The following GRIK4 variants were observed in gnomAD, a reference collection of about 807,000 sequenced individuals.
GRIK4 encodes glutamate ionotropic receptor kainate type subunit 4, also known as glutamate receptor ionotropic, kainate 4.
Under a neutral mutation model 104.9 loss-of-function variants are expected in GRIK4, and 40 were observed. That is an observed-to-expected ratio of 0.38 (90% CI 0.30 to 0.50). The LOEUF (loss-of-function observed/expected upper bound fraction) is 0.50, where lower values mean the gene tolerates loss of function less well. Among genes scored for constraint, GRIK4 ranks in the 20% least tolerant of loss-of-function variants. GRIK4 has a pLI of 0.93. For missense variants in GRIK4, 1,047 were observed against 1,308.1 expected (o/e 0.80, Z 3.08); for synonymous variants, 485 against 524.9 (o/e 0.92, Z 1.04).
intron 3 of GRIK4, among the ~76,000 whole-genome samples, chr11:120,686,315 G>A (rs1294451725): frequency 1.3e-5 from 2 of 152,162 alleles, no homozygotes; most frequent in Non-Finnish European, 2.9e-5. Context: ...CCTCAACCGT[G>A]AAGTCTATTA....
chr11:120,986,393 C>G lies in GRIK4; in HGVS notation c.*133C>G. The G allele has an allele frequency of 8.3e-7, 1 of 1,210,280 alleles. No individual in the cohort carries two copies. Among genetic ancestry groups the G allele is most frequent in the Non-Finnish European group, 1.1e-6 (1 of 921,726 alleles). 75.0% of individuals were successfully genotyped at this position (1,210,280 alleles called of 1,614,324 possible). On this transcript the variant is annotated 3_prime_UTR_variant, in exon 21 of 21. Coordinates refer to ENST00000527524, the MANE Select transcript of GRIK4 (RefSeq NM_014619.5). ...CCAGATTTCGGATCCAGTCACTTTT[C>G]AAAAAGATCAAGGAGCCTGACGCCC...
At chr11:120,654,327 G>C (rs1949666371) in intron 2 of GRIK4, among the ~76,000 whole-genome samples, 1 of 152,178 alleles carries the variant, frequency 6.6e-6, no homozygotes, top group Non-Finnish European at 1.5e-5. Flanking sequence ...TACAGGATGA[G>C]TGCGTGGCCA....
At chr11:120,974,516 C>T (rs1037997085) in intron 19 of GRIK4, among the ~76,000 whole-genome samples, 16 of 152,192 alleles carry the variant, frequency 1.1e-4, no homozygotes, top group African/African-American at 3.6e-4. Flanking sequence ...TAATCTTTTT[C>T]TACTTTGTTA....
chr11:120,855,599 C>A (rs769362743), intron 8 of GRIK4, among the ~76,000 whole-genome samples: 2 of 150,244 alleles, frequency 1.3e-5, no homozygotes, highest in Non-Finnish European at 2.9e-5. Context: ...GTCTCTGTTG[C>A]CCAGGCTGGA....
At chr11:120,848,102 G>T (rs1953893145) in intron 8 of GRIK4, among the ~76,000 whole-genome samples, 1 of 152,196 alleles carries the variant, frequency 6.6e-6, no homozygotes, top group African/African-American at 2.4e-5. Context: ...CTCACCCTGA[G>T]ATCCAAGTCA....
chr11:120,769,751 G>A (rs1372014190), intron 3 of GRIK4, among the ~76,000 whole-genome samples: 1 of 152,178 alleles, frequency 6.6e-6, no homozygotes, highest in Non-Finnish European at 1.5e-5. Flanking sequence ...ACATGGAATG[G>A]ATAGGAAGTC....
intron 3 of GRIK4, among the ~76,000 whole-genome samples, chr11:120,715,147 G>A (rs1954786): frequency 1.6e-4 from 24 of 152,190 alleles, no homozygotes; most frequent in Non-Finnish European, 2.4e-4. Flanking sequence ...CTGCTGGCAC[G>A]GGGGCACTAA....
chr11:120,864,497 C>T (rs1415526654), intron 9 of GRIK4, among the ~76,000 whole-genome samples: 1 of 152,136 alleles, frequency 6.6e-6, no homozygotes, highest in Non-Finnish European at 1.5e-5. Context: ...GCCTCGGCCT[C>T]CCAAAGTGCT....
intron 13 of GRIK4, among the ~76,000 whole-genome samples, chr11:120,937,407 T>C (rs951176308): frequency 3.3e-5 from 5 of 152,236 alleles, no homozygotes; most frequent in East Asian, 3.8e-4. Flanking sequence ...CATGTGATTG[T>C]TGCTGATACC....
At chr11:120,826,162 C>T (rs1418526397) in intron 6 of GRIK4, among the ~76,000 whole-genome samples, 1 of 152,212 alleles carries the variant, frequency 6.6e-6, no homozygotes, top group African/African-American at 2.4e-5. Flanking sequence ...AAGATGGGCT[C>T]TATCAACATT....
intron 1 of GRIK4, among the ~76,000 whole-genome samples, chr11:120,532,456 C>T (rs572498115): frequency 2.6e-5 from 4 of 152,254 alleles, no homozygotes; most frequent in South Asian, 4.1e-4. Context: ...ATTGTTTAGA[C>T]GTTTTGTGTA....
intron 3 of GRIK4, among the ~76,000 whole-genome samples, chr11:120,732,219 C>A (rs1229067030): frequency 6.6e-6 from 1 of 152,148 alleles, no homozygotes; most frequent in African/African-American, 2.4e-5. Flanking sequence ...GCAACCTGTG[C>A]CTCCTGGGTT....
chr11:120,728,788 A>T lies in GRIK4; in HGVS notation c.82+68388A>T, dbSNP rs1270751009. Among the ~76,000 whole-genome samples the T allele has an allele frequency of 2.0e-5, 3 of 152,130 alleles. No homozygotes were observed. The Middle Eastern group carries it at 0.01, about 517-fold the overall frequency. Reference sequence around the variant, plus strand: ...CAATTAAACTCTTTTAGTTATTTTTAAATGTACAATTAAATTATTATTGAC... The same window carrying T: ...CAATTAAACTCTTTTAGTTATTTTTTAATGTACAATTAAATTATTATTGAC... On this transcript the variant is annotated intron_variant, in intron 3 of 20. Transcript: ENST00000527524.
At chr11:120,950,856 A>G (rs1591321609) in intron 14 of GRIK4, among the ~76,000 whole-genome samples, 1 of 152,176 alleles carries the variant, frequency 6.6e-6, no homozygotes, top group East Asian at 1.9e-4. Context: ...TGACGGGATG[A>G]GCCAAGCTCA....
At chr11:120,711,984 A>G (rs1260441969) in intron 3 of GRIK4, among the ~76,000 whole-genome samples, 1 of 138,500 alleles carries the variant, frequency 7.2e-6, no homozygotes. Flanking sequence ...AATGATTATT[A>G]TACACTGCAC....
At chr11:120,518,283 G>A (rs369489928) in intron 1 of GRIK4, among the ~76,000 whole-genome samples, 209 of 152,324 alleles carry the variant, frequency 1.4e-3, no homozygotes, top group African/African-American at 4.9e-3. Context: ...ATGACTCTCG[G>A]CAGCTGTGCT....
chr11:120,859,869 G>A (rs1954214678), intron 8 of GRIK4, among the ~76,000 whole-genome samples: 1 of 152,218 alleles, frequency 6.6e-6, no homozygotes, highest in South Asian at 2.1e-4. Flanking sequence ...ACTCTGTCAG[G>A]CATTGGTGGC....
intron 11 of GRIK4, among the ~76,000 whole-genome samples, chr11:120,884,903 T>C (rs1592037165): frequency 6.6e-6 from 1 of 152,218 alleles, no homozygotes; most frequent in African/African-American, 2.4e-5. Flanking sequence ...TCCCCTGCCC[T>C]CCAGCATGCT....
intron 1 of GRIK4, among the ~76,000 whole-genome samples, chr11:120,548,763 G>A (rs543289411): frequency 3.1e-4 from 47 of 152,238 alleles, no homozygotes; most frequent in African/African-American, 1.0e-3. Flanking sequence ...CCCCAGCTCC[G>A]AGACCCCTTC....
Sources: allele counts gnomAD v4.1 joint callset (sites outside exome capture counted in the v4.1 genomes callset), GRCh38; gene constraint gnomAD v4.1.1; transcripts MANE v1.5; gene names NCBI Gene and HGNC (gene_info 2026-07-23, HGNC 2026-07-21).